Variants in RELN observed in about 807,000 individuals in gnomAD.
RELN encodes reelin.
In RELN, 108 loss-of-function variants were observed where a neutral mutation model predicts 427.6. The ratio of observed to expected loss-of-function variants is 0.25; its 90% CI spans 0.22 to 0.30. The LOEUF (loss-of-function observed/expected upper bound fraction) is 0.30, where lower values mean the gene tolerates loss of function less well. Ranked by LOEUF, RELN falls within the 10% of genes least tolerant of loss-of-function variation. The probability of loss-of-function intolerance (pLI) is 1.00; values close to 1 mark genes in which losing one functional copy is unlikely to be tolerated. For missense variants in RELN, 3,715 were observed against 4,302.8 expected, an observed-to-expected ratio of 0.86 and a Z score of 3.82; for synonymous variants, 1,524 against 1,513.4, an observed-to-expected ratio of 1.01 and a Z score of -0.16.
intron 4 of RELN, among the ~76,000 whole-genome samples, chr7:103,763,276 A>G (rs1272523330): frequency 6.6e-6 from 1 of 152,220 alleles, no homozygotes; most frequent in Non-Finnish European, 1.5e-5. Context: ...AATTAAAGAA[A>G]TAAGAGTAAT....
chr7:103,850,057 A>T (rs111884394), intron 2 of RELN, among the ~76,000 whole-genome samples: 4 of 152,256 alleles, frequency 2.6e-5, no homozygotes, highest in African/African-American at 9.6e-5. Flanking sequence ...ATCATTGAAC[A>T]TACCAATTGC....
intron 2 of RELN, among the ~76,000 whole-genome samples, chr7:103,837,839 C>T (rs370663718): frequency 6.3e-4 from 96 of 152,254 alleles, no homozygotes; most frequent in African/African-American, 2.3e-3. Context: ...TCCCAAGTGC[C>T]TGCCACAGTG....
intron 14 of RELN, among the ~76,000 whole-genome samples, chr7:103,652,232 T>G (rs2117390512): frequency 6.6e-6 from 1 of 151,066 alleles, no homozygotes; most frequent in African/African-American, 2.4e-5. Context: ...CGACAGGAGG[T>G]CAAGCTTTTT....
intron 64 of RELN, among the ~76,000 whole-genome samples, chr7:103,475,957 TG>T: frequency 6.6e-6 from 1 of 152,172 alleles, no homozygotes; most frequent in South Asian, 2.1e-4. Context: ...CTTGCTATGT[TG>T]GCCAGGCTGG....
chr7:103,702,770 A>T (rs1286361622), intron 8 of RELN, among the ~76,000 whole-genome samples: 1 of 152,064 alleles, frequency 6.6e-6, no homozygotes, highest in Non-Finnish European at 1.5e-5. Flanking sequence ...CTCTTGCCAG[A>T]TCTCTGCAAT....
intron 7 of RELN, among the ~76,000 whole-genome samples, chr7:103,724,509 A>G (rs1790156677): frequency 6.6e-6 from 1 of 152,234 alleles, no homozygotes; most frequent in South Asian, 2.1e-4. Flanking sequence ...AGTGCATTAA[A>G]TGTACTGAAG....
chr7:103,566,116 G>A, intron 33 of RELN, 108 bp downstream of exon 33: 1 of 941,356 alleles, frequency 1.1e-6, no homozygotes, highest in South Asian at 1.4e-5. Context: ...CCCTCAGCAT[G>A]GGTAGTTAGG....
At chr7:103,594,701 A>G (rs912624534) in intron 25 of RELN, among the ~76,000 whole-genome samples, 5 of 152,168 alleles carry the variant, frequency 3.3e-5, no homozygotes, top group African/African-American at 4.8e-5. Flanking sequence ...TTCATTTGGA[A>G]TTGTATCTTT....
chr7:103,810,033 T>C (rs1380891905), intron 3 of RELN, among the ~76,000 whole-genome samples: 1 of 152,188 alleles, frequency 6.6e-6, no homozygotes, highest in Non-Finnish European at 1.5e-5. Context: ...CTGGCTGATA[T>C]TGTTTACAGA....
Position 103,569,144 on chromosome 7 carries a change from G to C in RELN, c.4589-2385C>G, listed in dbSNP as rs951059291. 6.6e-6 allele frequency among the ~76,000 whole-genome samples: 1 copy of C among 152,194 alleles called. No homozygotes were observed. The highest frequency in any genetic ancestry group is 2.4e-5 in the African/African-American group (1 of 41,458). On this transcript the variant is annotated intron_variant, in intron 31 of 64. Transcript: ENST00000428762. This position sits in a 1 kb window ranked among gnomAD's most constrained non-coding sequence, Gnocchi z 4.0. ...TTCCTTGCTCCCTCTCAGATCTCTT[G>C]CTCTGGGGAAAGCCAGCCTACATTT...
chr7:103,590,471 A>G (rs1196210871), intron 27 of RELN, among the ~76,000 whole-genome samples: 1 of 152,052 alleles, frequency 6.6e-6, no homozygotes, highest in Non-Finnish European at 1.5e-5. Context: ...TGAGGCAGAG[A>G]ATTGCTTGAA....
At chr7:103,875,719 G>T (rs1436319231) in intron 2 of RELN, among the ~76,000 whole-genome samples, 1 of 151,994 alleles carries the variant, frequency 6.6e-6, no homozygotes, top group Non-Finnish European at 1.5e-5. Context: ...GCATAGTCTG[G>T]AAATGTCAAA....
At chr7:103,508,862 CAG>C (rs901848444) in intron 51 of RELN, among the ~76,000 whole-genome samples, 1 of 152,036 alleles carries the variant, frequency 6.6e-6, no homozygotes, top group African/African-American at 2.4e-5. Context: ...ACACCAATAA[CAG>C]AGAGTCAAAT....
chr7:103,823,354 T>C (rs1351530419), intron 3 of RELN, among the ~76,000 whole-genome samples: 2 of 152,108 alleles, frequency 1.3e-5, no homozygotes, highest in Non-Finnish European at 2.9e-5. Flanking sequence ...TACTTAAAAT[T>C]ATTTGTTATC....
chr7:103,501,041 G>T, intron 52 of RELN, 119 bp from the exon 53 acceptor site: 1 of 875,804 alleles, frequency 1.1e-6, no homozygotes, highest in Non-Finnish European at 1.9e-6. Flanking sequence ...CTTACTAGAT[G>T]AAATAGGTTA....
intron 2 of RELN, among the ~76,000 whole-genome samples, chr7:103,841,793 A>C (rs929838751): frequency 3.3e-5 from 5 of 152,152 alleles, no homozygotes; most frequent in Non-Finnish European, 5.9e-5. Flanking sequence ...AAAATAACCC[A>C]CCTATTGATA....
At chr7:103,624,206 A>G (rs1210057112) in intron 20 of RELN, among the ~76,000 whole-genome samples, 1 of 152,158 alleles carries the variant, frequency 6.6e-6, no homozygotes, top group Non-Finnish European at 1.5e-5. Context: ...CCCATGAAAT[A>G]TGAACATATA....
intron 1 of RELN, among the ~76,000 whole-genome samples, chr7:103,928,678 T>G (rs1301593193): frequency 6.6e-6 from 1 of 152,222 alleles, no homozygotes; most frequent in Non-Finnish European, 1.5e-5. Context: ...CCTCCTAGTG[T>G]AAATGTTGTT....
At chr7:103,532,112 A>G (rs953778572) in intron 46 of RELN, among the ~76,000 whole-genome samples, 1 of 146,510 alleles carries the variant, frequency 6.8e-6, no homozygotes, top group Non-Finnish European at 1.5e-5. Context: ...ATGCAGCCAT[A>G]AAAAGGAATG....
Sources: allele counts gnomAD v4.1 joint callset (sites outside exome capture counted in the v4.1 genomes callset), GRCh38; gene constraint gnomAD v4.1.1; non-coding constraint Gnocchi (gnomAD v3.1); transcripts MANE v1.5; gene names NCBI Gene and HGNC (gene_info 2026-07-23, HGNC 2026-07-21).